The following TMEFF2 variants were observed in gnomAD, a reference collection of about 807,000 sequenced individuals.
The protein encoded by TMEFF2 is transmembrane protein with EGF like and two follistatin like domains 2, also known as tomoregulin-2.
In TMEFF2, 28 loss-of-function variants were observed where a neutral mutation model predicts 53.8. The observed-to-expected ratio is 0.52, with a 90% CI of 0.39 to 0.71. The LOEUF (loss-of-function observed/expected upper bound fraction) is 0.71, where lower values mean the gene tolerates loss of function less well. TMEFF2 is among the 30% of genes least tolerant of loss of function. The pLI is 0.00. For synonymous variants in TMEFF2, 162 were observed against 166.3 expected (o/e 0.97, Z 0.20); for missense variants, 353 against 455.2 (o/e 0.78, Z 2.04).
chr2:192,179,703 G>T lies in TMEFF2; in HGVS notation c.413-9C>A. ...AGATCCTGATCCTGCATCTGTGGGG[G>T]GAAAAGTTATATTTGCTAGTAAAAC... On this transcript the variant is annotated splice_polypyrimidine_tract_variant and intron_variant, in intron 3 of 9. Coordinates refer to ENST00000272771, the MANE Select transcript of TMEFF2 (RefSeq NM_016192.4). The T allele has an allele frequency of 6.6e-7, 1 of 1,509,782 alleles. No individual in the cohort carries two copies. The highest frequency in any genetic ancestry group is 8.8e-7 in the Non-Finnish European group (1 of 1,139,230). 93.5% of individuals were successfully genotyped at this position (1,509,782 alleles called of 1,614,324 possible). A position where few individuals can be genotyped will look rare whatever the true frequency, so the allele number is the denominator to read the frequency against.
intron 4 of TMEFF2, among the ~76,000 whole-genome samples, chr2:192,163,158 T>A (rs1470334531): frequency 2.0e-5 from 3 of 152,202 alleles, no homozygotes; most frequent in African/African-American, 7.2e-5. Flanking sequence ...CCATAGGCTT[T>A]ATATTTCCAG....
chr2:192,179,816 A>T, intron 3 of TMEFF2, 122 bp from the exon 4 acceptor site: 1 of 773,692 alleles, frequency 1.3e-6, no homozygotes, highest in Non-Finnish European at 1.9e-6. Context: ...AAATACTAAT[A>T]TTTAATCCAA....
intron 5 of TMEFF2, among the ~76,000 whole-genome samples, chr2:192,056,906 A>T (rs1687923930): frequency 6.6e-6 from 1 of 152,158 alleles, no homozygotes; most frequent in Non-Finnish European, 1.5e-5. Context: ...TCAGACACTA[A>T]ATCTGCCTTG....
rs371313904 is a variant in TMEFF2, at chr2:192,003,695, A to G, written c.537-4487T>C. Among the ~76,000 whole-genome samples, 5 of 152,368 alleles carry G rather than the reference A, an allele frequency of 3.3e-5. No individual in the cohort carries two copies. The South Asian group carries it at 6.2e-4, about 19-fold the overall frequency. Reference sequence around the variant, plus strand: ...ATATTTTATCCTTAAATAAAATGCTATATAAAGATCCACATGAAAACTAAT... The same window carrying G: ...ATATTTTATCCTTAAATAAAATGCTGTATAAAGATCCACATGAAAACTAAT... On this transcript the variant is annotated intron_variant, in intron 5 of 9. Transcript: ENST00000272771.
chr2:192,012,040 CCTCGCCCGGCCCA>C (rs765043206), intron 5 of TMEFF2, among the ~76,000 whole-genome samples: 39 of 152,146 alleles, frequency 2.6e-4, no homozygotes, highest in Non-Finnish European at 3.2e-4. Context: ...GCGCCCACGA[CCTCGCCCGGCCCA>C]CCACCAGGCC....
At chr2:192,132,504 T>G (rs1032402755) in intron 4 of TMEFF2, among the ~76,000 whole-genome samples, 4 of 152,066 alleles carry the variant, frequency 2.6e-5, no homozygotes, top group Non-Finnish European at 5.9e-5. Context: ...AAATAGATTC[T>G]GGCCCTCAAA....
At chr2:192,159,510 A>C (rs770430211) in intron 4 of TMEFF2, among the ~76,000 whole-genome samples, 18 of 152,158 alleles carry the variant, frequency 1.2e-4, no homozygotes, top group Non-Finnish European at 2.1e-4. Context: ...AATAGCATGA[A>C]ACTTAATTTT....
intron 4 of TMEFF2, among the ~76,000 whole-genome samples, chr2:192,175,190 C>A (rs2106028389): frequency 6.6e-6 from 1 of 151,588 alleles, no homozygotes; most frequent in South Asian, 2.1e-4. Flanking sequence ...TCAAGTCAAC[C>A]AAATTACTAA....
At chr2:192,180,802 C>T (rs1381360726) in intron 3 of TMEFF2, among the ~76,000 whole-genome samples, 2 of 151,678 alleles carry the variant, frequency 1.3e-5, no homozygotes, top group Admixed American at 6.6e-5. Context: ...AAGGCCTTCC[C>T]AGCAGCCCTC....
intron 7 of TMEFF2, among the ~76,000 whole-genome samples, chr2:191,993,552 T>TATA (rs1686155029): frequency 6.6e-6 from 1 of 152,002 alleles, no homozygotes; most frequent in South Asian, 2.1e-4. Context: ...ACATACATAC[T>TATA]ATAATCCAGC....
chr2:192,091,904 A>G (rs1688798388), intron 4 of TMEFF2, among the ~76,000 whole-genome samples: 1 of 152,160 alleles, frequency 6.6e-6, no homozygotes. Context: ...TCACTCCAGG[A>G]GACGTGTATT....
At chr2:192,005,106 T>G (rs1268112511) in intron 5 of TMEFF2, among the ~76,000 whole-genome samples, 1 of 152,172 alleles carries the variant, frequency 6.6e-6, no homozygotes, top group African/African-American at 2.4e-5. Context: ...TGAAAATCCT[T>G]CAAAGAAAAT....
chr2:191,980,980 CA>C (rs1269409443), intron 7 of TMEFF2, among the ~76,000 whole-genome samples: 1 of 152,098 alleles, frequency 6.6e-6, no homozygotes, highest in African/African-American at 2.4e-5. Context: ...CCATCATCCA[CA>C]ACACTCATTC....
Position 191,956,276 on chromosome 2 carries a change from T to TTGA in TMEFF2, c.845_847dup (p.Ile282dup). On this transcript the variant is annotated inframe_insertion, in exon 8 of 10. Transcript: ENST00000272771. Reference sequence around the variant, plus strand: ...TTACCTGCAAGATGGCTCCTGCATATTGATAGAATGCTCACACTTCCCATG... The same window carrying TTGA: ...TTACCTGCAAGATGGCTCCTGCATATTGATGATAGAATGCTCACACTTCCCATG... 1 of 1,613,446 alleles carries TTGA rather than the reference T, an allele frequency of 6.2e-7. No individual in the cohort carries two copies. The highest frequency in any genetic ancestry group is 8.5e-7 in the Non-Finnish European group (1 of 1,179,734).
intron 4 of TMEFF2, among the ~76,000 whole-genome samples, chr2:192,164,958 A>T (rs988744261): frequency 1.4e-5 from 2 of 144,750 alleles, no homozygotes; most frequent in Non-Finnish European, 3.0e-5. Flanking sequence ...TACTAGCAGA[A>T]TGAATACTCT....
chr2:192,122,910 T>A (rs1459849210), intron 4 of TMEFF2, among the ~76,000 whole-genome samples: 3 of 152,032 alleles, frequency 2.0e-5, no homozygotes, highest in African/African-American at 7.2e-5. Context: ...GAACCAGAAA[T>A]GCAATTAGGA....
intron 7 of TMEFF2, among the ~76,000 whole-genome samples, chr2:191,964,110 A>G (rs960483747): frequency 3.3e-5 from 5 of 152,172 alleles, no homozygotes; most frequent in African/African-American, 1.2e-4. Context: ...TGGCCTTCAT[A>G]TCTTATTTAT....
chr2:191,956,532 A>C (rs1379974193), intron 7 of TMEFF2, among the ~76,000 whole-genome samples, 154 bp from the exon 8 acceptor site: 3 of 152,248 alleles, frequency 2.0e-5, no homozygotes, highest in Non-Finnish European at 2.9e-5. Flanking sequence ...GAAAGAACTG[A>C]AAGACGTCTT....
chr2:192,193,794 A>AGG (rs1183778217), intron 1 of TMEFF2, among the ~76,000 whole-genome samples: 10 of 129,856 alleles, frequency 7.7e-5, no homozygotes, highest in African/African-American at 2.8e-4. Flanking sequence ...AGAGAGAGAG[A>AGG]GAGAGAGAGA....
Sources: gnomAD v4.1 joint callset for allele counts (sites outside exome capture counted in the v4.1 genomes callset) on GRCh38, gnomAD v4.1.1 for gene constraint, MANE v1.5 for transcripts, NCBI Gene and HGNC (gene_info 2026-07-23, HGNC 2026-07-21) for gene names.